Variants in ECT2 observed in about 807,000 individuals in gnomAD.
ECT2 encodes the protein protein ECT2.
A neutral mutation model predicts 116.9 loss-of-function variants in ECT2; 61 were observed. The observed-to-expected ratio is 0.52, with a 90% CI of 0.42 to 0.65. The LOEUF is 0.65. Among genes scored for constraint, ECT2 ranks in the 30% least tolerant of loss-of-function variants. The pLI is 0.00. For synonymous variants in ECT2, 358 were observed against 346.4 expected (o/e 1.03, Z -0.37); for missense variants, 937 against 1,078.7 (o/e 0.87, Z 1.84).
chr3:172,792,215 G>T (rs1724801018), intron 18 of ECT2, among the ~76,000 whole-genome samples: 1 of 152,194 alleles, frequency 6.6e-6, no homozygotes, highest in African/African-American at 2.4e-5. Context: ...AAAGTTTGAA[G>T]TATTGAGAGA....
chr3:172,775,588 G>A (rs1390043129), intron 14 of ECT2, among the ~76,000 whole-genome samples: 1 of 151,856 alleles, frequency 6.6e-6, no homozygotes, highest in East Asian at 1.9e-4. Flanking sequence ...AGAATTACTG[G>A]GTGGCACAAA....
intron 14 of ECT2, among the ~76,000 whole-genome samples, chr3:172,779,606 TTAAAA>T (rs1722332652): frequency 6.6e-6 from 1 of 152,190 alleles, no homozygotes; most frequent in African/African-American, 2.4e-5. Flanking sequence ...ATTCACCTAT[TTAAAA>T]TAACACAATT....
intron 18 of ECT2, 29 bp downstream of exon 18, chr3:172,786,603 G>A (rs1723648518): frequency 4.8e-6 from 7 of 1,445,862 alleles, no homozygotes; most frequent in Non-Finnish European, 6.7e-6. Context: ...ATTTTTGATT[G>A]TGCCTTAGAT....
chr3:172,805,894 G>C (rs778698270), intron 21 of ECT2, 25 bp downstream of exon 21: 1 of 1,602,388 alleles, frequency 6.2e-7, no homozygotes, highest in Non-Finnish European at 8.5e-7. Flanking sequence ...TACATTCTTG[G>C]TTATATAAAA....
At chr3:172,755,662 A>G (rs1716841084) in intron 4 of ECT2, 87 bp downstream of exon 4, 1 of 683,366 alleles carries the variant, frequency 1.5e-6, no homozygotes, top group Admixed American at 3.5e-5. Context: ...ATTAGGCACA[A>G]GGTGTATTGT....
chr3:172,802,738 T>A (rs1446002190), intron 19 of ECT2, 44 bp downstream of exon 19: 1 of 1,523,742 alleles, frequency 6.6e-7, no homozygotes, highest in Non-Finnish European at 8.9e-7. Context: ...TTTCTTCTTG[T>A]TAATGAGGTT....
intron 18 of ECT2, among the ~76,000 whole-genome samples, chr3:172,788,482 A>C (rs559253292): frequency 6.6e-6 from 1 of 152,260 alleles, no homozygotes; most frequent in African/African-American, 2.4e-5. Flanking sequence ...TGTCACCCCC[A>C]AAATTTACTC....
intron 20 of ECT2, among the ~76,000 whole-genome samples, chr3:172,803,677 T>C (rs984766082): frequency 2.6e-5 from 4 of 152,208 alleles, no homozygotes; most frequent in Admixed American, 1.3e-4. Context: ...ATTAATAAGA[T>C]GACTCATTTG....
intron 17 of ECT2, 114 bp downstream of exon 17, chr3:172,784,917 T>C (rs1054140268): frequency 1.6e-6 from 1 of 639,302 alleles, no homozygotes; most frequent in African/African-American, 1.8e-5. Flanking sequence ...CATTAAAGTT[T>C]ATATATGTTT....
At chr3:172,788,092 G>A (rs1038713481) in intron 18 of ECT2, among the ~76,000 whole-genome samples, 10 of 151,944 alleles carry the variant, frequency 6.6e-5, no homozygotes, top group Non-Finnish European at 1.0e-4. Flanking sequence ...TTTTAATGTC[G>A]AATTGTGATG....
In ECT2 at chr3:172,762,459, G is replaced by T. The variant is rs768418213; in HGVS notation, c.802G>T (p.Val268Phe). Residue 268 changes from valine (V) to phenylalanine (F), a missense_variant, in exon 9 of 25, where the codon GTT becomes TTT. Val to Phe is a conservative substitution (Grantham distance 50). Transcript: ENST00000392692. ...TGATGACTTTAGAAATGAATTTAAA[G>T]TTCCTCCATTTCAAGATTGTATTTT... ...AVDDFRNEFK[V>F]PPFQDCILSF... 1 of 1,598,926 alleles carries T rather than the reference G, an allele frequency of 6.3e-7. No homozygotes were observed. The highest frequency in any genetic ancestry group is 1.8e-5 in the Admixed American group (1 of 54,254).
chr3:172,767,743 G>A (rs560872235), intron 12 of ECT2, among the ~76,000 whole-genome samples: 18 of 136,306 alleles, frequency 1.3e-4, no homozygotes, highest in Admixed American at 1.2e-3. Context: ...TTGAGACGGA[G>A]TCTTGCTTGG....
chr3:172,759,465 C>T (rs907686207), intron 6 of ECT2, among the ~76,000 whole-genome samples: 1 of 151,908 alleles, frequency 6.6e-6, no homozygotes, highest in African/African-American at 2.4e-5. Flanking sequence ...TTTTTTGAGA[C>T]AAGTCTTGCT....
chr3:172,776,293 G>C lies in ECT2; in HGVS notation c.1548+2271G>C, dbSNP rs150583711. Among the ~76,000 whole-genome samples the C allele has an allele frequency of 8.1e-4, 120 of 148,122 alleles. 1 individual carries two copies. In the East Asian group the frequency reaches 0.021, roughly 26 times the overall value. ...TATTTGTTTTTTTTAGCTGATTGCA[G>C]GTTTGTCAAATATTTAAAAATTTTA... On this transcript the variant is annotated intron_variant, in intron 14 of 24. Coordinates refer to ENST00000392692, the MANE Select transcript of ECT2 (RefSeq NM_001258315.2).
At chr3:172,768,287 T>G (rs1346071612) in intron 12 of ECT2, among the ~76,000 whole-genome samples, 2 of 152,204 alleles carry the variant, frequency 1.3e-5, no homozygotes, top group African/African-American at 4.8e-5. Flanking sequence ...GTTTTTTTAT[T>G]TTAGCTGTAC....
chr3:172,768,417 C>T (rs939042544), intron 12 of ECT2, among the ~76,000 whole-genome samples: 15 of 152,152 alleles, frequency 9.9e-5, no homozygotes, highest in Non-Finnish European at 7.4e-5. Context: ...CACACGTGCA[C>T]ATGTATTTTT....
chr3:172,779,685 C>T (rs1354340668), intron 14 of ECT2, among the ~76,000 whole-genome samples: 30 of 152,110 alleles, frequency 2.0e-4, no homozygotes, highest in Admixed American at 1.9e-3. Context: ...GCAGGAATAT[C>T]GCTTGAATCT....
chr3:172,825,166 GTTA>G (rs1168724860), downstream of ECT2, among the ~76,000 whole-genome samples: 3 of 152,032 alleles, frequency 2.0e-5, no homozygotes, highest in Admixed American at 1.3e-4. Context: ...CATCTTTGAT[GTTA>G]TTATTGTAAT....
chr3:172,760,973 G>A (rs909584412), intron 7 of ECT2, among the ~76,000 whole-genome samples: 1 of 151,882 alleles, frequency 6.6e-6, no homozygotes, highest in Non-Finnish European at 1.5e-5. Context: ...TGCCTGCCTC[G>A]GACTCCCAAA....
Sources: allele counts gnomAD v4.1 joint callset (sites outside exome capture counted in the v4.1 genomes callset), GRCh38; gene constraint gnomAD v4.1.1; transcripts MANE v1.5; gene names NCBI Gene and HGNC (gene_info 2026-07-23, HGNC 2026-07-21).